Variants in SYNPR observed in about 807,000 individuals in gnomAD.
SYNPR encodes the protein synaptoporin.
In SYNPR, 23 loss-of-function variants were observed where a neutral mutation model predicts 32.9. The observed-to-expected ratio is 0.70, with a 90% confidence interval of 0.50 to 0.99. The LOEUF (loss-of-function observed/expected upper bound fraction) is 0.99, where lower values mean the gene tolerates loss of function less well. Ranked by LOEUF, SYNPR falls within the 50% of genes least tolerant of loss-of-function variation. SYNPR has a pLI of 0.00. For missense variants in SYNPR, 318 were observed against 349.3 expected, an observed-to-expected ratio of 0.91 and a Z score of 0.71; for synonymous variants, 146 against 135.9, an observed-to-expected ratio of 1.07 and a Z score of -0.52.
intron 2 of SYNPR, among the ~76,000 whole-genome samples, chr3:63,306,471 T>A (rs1560186226): frequency 6.6e-6 from 1 of 151,930 alleles, no homozygotes; most frequent in East Asian, 1.9e-4. Context: ...CAGAGCCTAC[T>A]GACAGATCCC....
intron 2 of SYNPR, among the ~76,000 whole-genome samples, chr3:63,437,176 G>A (rs533905770): frequency 5.3e-5 from 8 of 152,132 alleles, no homozygotes; most frequent in East Asian, 1.9e-4. Flanking sequence ...TGCCTGGCCC[G>A]TTTTCTTTCT....
At chr3:63,460,370 C>T (rs1232217195) in intron 2 of SYNPR, among the ~76,000 whole-genome samples, 1 of 151,962 alleles carries the variant, frequency 6.6e-6, no homozygotes, top group Admixed American at 6.6e-5. Context: ...ACCCTGACTG[C>T]CCTTCATTCA....
At chr3:63,236,394 T>G (rs1032813312) in intron 1 of SYNPR, among the ~76,000 whole-genome samples, 4 of 152,114 alleles carry the variant, frequency 2.6e-5, no homozygotes, top group African/African-American at 9.7e-5. Context: ...TAGCATAAGT[T>G]TGTCTGTATC....
At chr3:63,499,242 A>G (rs1414499724) in intron 3 of SYNPR, among the ~76,000 whole-genome samples, 1 of 152,168 alleles carries the variant, frequency 6.6e-6, no homozygotes, top group African/African-American at 2.4e-5. Context: ...GGTTAGGCAA[A>G]GAAGGAATGA....
At chr3:63,365,329 G>A (rs946466867) in intron 2 of SYNPR, among the ~76,000 whole-genome samples, 2 of 152,138 alleles carry the variant, frequency 1.3e-5, no homozygotes, top group African/African-American at 2.4e-5. Flanking sequence ...GGTCCCCAGG[G>A]TTCCATAGGG....
chr3:63,452,305 A>G (rs973153066), intron 2 of SYNPR, among the ~76,000 whole-genome samples: 2 of 152,288 alleles, frequency 1.3e-5, no homozygotes, highest in Non-Finnish European at 2.9e-5. Context: ...AAAATCCCTC[A>G]AAAGTGATTT....
Position 63,564,473 on chromosome 3 carries a change from G to A in SYNPR, c.408+7732G>A, listed in dbSNP as rs569122017. Among the ~76,000 whole-genome samples, 6 of 150,828 alleles carry A rather than the reference G, an allele frequency of 4.0e-5. 1 individual carries two copies. In the South Asian group the frequency reaches 1.1e-3, roughly 27 times the overall value. On this transcript the variant is annotated intron_variant, in intron 4 of 5. Transcript: ENST00000478300. ...GCCTCCCAAAGTGCTGGGATTGCAG[G>A]TGTGAGCCACCGTGCCCAGCCGGTG...
intron 3 of SYNPR, among the ~76,000 whole-genome samples, chr3:63,520,067 C>G (rs918942445): frequency 6.6e-6 from 1 of 152,110 alleles, no homozygotes; most frequent in Non-Finnish European, 1.5e-5. Flanking sequence ...GCTTTTTTCA[C>G]AGAATATCTT....
intron 2 of SYNPR, among the ~76,000 whole-genome samples, chr3:63,337,355 T>G (rs1241441340): frequency 1.3e-5 from 2 of 149,414 alleles, no homozygotes; most frequent in Non-Finnish European, 3.0e-5. Context: ...TGCAAAACAC[T>G]AACAATGCCA....
the SYNPR span, among the ~76,000 whole-genome samples, chr3:63,219,289 C>G: frequency 6.6e-6 from 1 of 152,128 alleles, no homozygotes; most frequent in African/African-American, 2.4e-5. Context: ...GATTTTGGCA[C>G]GTCCAAGAAA....
intron 2 of SYNPR, among the ~76,000 whole-genome samples, chr3:63,375,788 T>A (rs531028631): frequency 2.6e-5 from 4 of 152,210 alleles, no homozygotes; most frequent in African/African-American, 9.6e-5. Context: ...TGTCTAGATG[T>A]CAGTGTGTCC....
intron 2 of SYNPR, among the ~76,000 whole-genome samples, chr3:63,311,626 C>T (rs1338418712): frequency 6.6e-6 from 1 of 151,962 alleles, no homozygotes; most frequent in Non-Finnish European, 1.5e-5. Flanking sequence ...TTCCATGAAA[C>T]CAGTCCCTGG....
At chr3:63,361,529 C>T (rs568505541) in intron 2 of SYNPR, among the ~76,000 whole-genome samples, 3 of 143,414 alleles carry the variant, frequency 2.1e-5, no homozygotes, top group East Asian at 4.6e-4. Context: ...ACCCGGGAGG[C>T]GGAGCTTGCA....
chr3:63,524,537 C>T (rs915747219), intron 3 of SYNPR, among the ~76,000 whole-genome samples: 2 of 152,164 alleles, frequency 1.3e-5, no homozygotes, highest in Non-Finnish European at 1.5e-5. Flanking sequence ...TTTTGTCTCC[C>T]AATGTCTCAG....
chr3:63,421,082 A>G (rs1446055876), intron 2 of SYNPR, among the ~76,000 whole-genome samples: 2 of 151,978 alleles, frequency 1.3e-5, no homozygotes, highest in Non-Finnish European at 2.9e-5. Flanking sequence ...GAGTCTCCCT[A>G]TGTTGCCCAG....
At chr3:63,243,122 G>A (rs1297940933) in intron 1 of SYNPR, among the ~76,000 whole-genome samples, 2 of 151,894 alleles carry the variant, frequency 1.3e-5, no homozygotes, top group African/African-American at 4.8e-5. Flanking sequence ...GGGAGAGAGA[G>A]TAAAGTGAAT....
chr3:63,392,611 T>C (rs896691413), intron 2 of SYNPR, among the ~76,000 whole-genome samples: 1 of 152,144 alleles, frequency 6.6e-6, no homozygotes, highest in Non-Finnish European at 1.5e-5. Context: ...GTATTGTCAT[T>C]ATCGTCCCTG....
intron 3 of SYNPR, among the ~76,000 whole-genome samples, chr3:63,489,818 G>A (rs575344965): frequency 6.6e-6 from 1 of 152,254 alleles, no homozygotes; most frequent in East Asian, 1.9e-4. Context: ...GGAGTGGAGA[G>A]GATCAAATAA....
chr3:63,261,377 T>C (rs1413408295), intron 2 of SYNPR, among the ~76,000 whole-genome samples: 1 of 151,772 alleles, frequency 6.6e-6, no homozygotes, highest in Non-Finnish European at 1.5e-5. Flanking sequence ...CATGGGATAC[T>C]ATGCAGCCAT....
Sources: allele counts gnomAD v4.1 joint callset (sites outside exome capture counted in the v4.1 genomes callset), GRCh38; gene constraint gnomAD v4.1.1; transcripts MANE v1.5; gene names NCBI Gene and HGNC (gene_info 2026-07-23, HGNC 2026-07-21).